PSMC1: variants seen among roughly 807,000 people sequenced by gnomAD.
PSMC1 encodes proteasome 26S subunit, ATPase 1, also known as 26S proteasome regulatory subunit 4.
In PSMC1, 5 loss-of-function variants were observed where a neutral mutation model predicts 49.8. The observed-to-expected ratio is 0.10, with a 90% CI of 0.05 to 0.21. The LOEUF is 0.21. Ranked by LOEUF, PSMC1 falls within the 10% of genes least tolerant of loss-of-function variation. The pLI is 1.00. For missense variants in PSMC1, 181 were observed against 535.7 expected (o/e 0.34, Z 6.54); for synonymous variants, 155 against 192.1 (o/e 0.81, Z 1.60).
Position 90,272,238 on chromosome 14 carries a change from A to G in PSMC1, c.1189-35A>G. 6.3e-7 allele frequency: 1 copy of G among 1,597,526 alleles called. No homozygotes were observed. The highest frequency in any genetic ancestry group is 8.5e-7 in the Non-Finnish European group (1 of 1,176,040). On this transcript the variant is annotated intron_variant, in intron 10 of 10. Coordinates refer to ENST00000261303, the MANE Select transcript of PSMC1 (RefSeq NM_002802.3). This position sits in a 1 kb window ranked among gnomAD's most constrained non-coding sequence, Gnocchi z 4.5. Reference sequence around the variant, plus strand: ...ATTCCTTGTTAGAATAAAAATGAGTATGTCACTTTCTGAACACACTCTTCT... The same window carrying G: ...ATTCCTTGTTAGAATAAAAATGAGTGTGTCACTTTCTGAACACACTCTTCT...
At chr14:90,271,543 G>A (rs767892304) in intron 10 of PSMC1, 15 of 152,152 alleles carry the variant, frequency 9.9e-5, no homozygotes, top group Non-Finnish European at 1.9e-4. Context: ...GCCACTTACA[G>A]TATCTAACCA....
rs755472744 is a variant in PSMC1 at position 90,268,452 on chromosome 14, G to C, written c.881+39G>C. ...TACTTATTTTGCCTTGTTTAGTAGG[G>C]AACACCGCATAGCTCTTCTCTTGAG... is the stretch of plus-strand genomic sequence containing the variant. On this transcript the variant is annotated intron_variant, in intron 8 of 10. Coordinates refer to ENST00000261303, the MANE Select transcript of PSMC1 (RefSeq NM_002802.3). 51 of 1,590,306 alleles carry C rather than the reference G, an allele frequency of 3.2e-5. 1 individual carries two copies. In the South Asian group the frequency reaches 4.7e-4, roughly 15 times the overall value.
At chr14:90,269,665 AG>A (rs1891611366) in intron 9 of PSMC1, 117 bp downstream of exon 9, 1 of 1,188,908 alleles carries the variant, frequency 8.4e-7, no homozygotes, top group African/African-American at 1.5e-5. Flanking sequence ...AGTGAAACTT[AG>A]GATAATTTAC....
chr14:90,259,634 TA>T (rs1891358608), intron 2 of PSMC1, among the ~76,000 whole-genome samples: 2 of 31,796 alleles, frequency 6.3e-5, no homozygotes, highest in African/African-American at 1.4e-4. Context: ...TTTCATTTGT[TA>T]TTATTATTAT....
intron 4 of PSMC1, 27 bp downstream of exon 4, chr14:90,263,469 C>T: frequency 6.5e-7 from 1 of 1,548,350 alleles, no homozygotes; most frequent in Non-Finnish European, 8.7e-7. Context: ...CTATCATTTT[C>T]TTTTTTACAA....
At chr14:90,268,541 A>T in intron 8 of PSMC1, 128 bp downstream of exon 8, 1 of 873,278 alleles carries the variant, frequency 1.1e-6, no homozygotes, top group South Asian at 1.6e-5. Flanking sequence ...CCTTCCATGC[A>T]TGCTTTAGGC....
chr14:90,256,581 C>A lies in PSMC1; in HGVS notation c.-17C>A. The stretch of plus-strand genomic sequence containing the variant: ...GGAGGAACTTCCGGCAGCGGCAGCT[C>A]AAGTGGCCAAGGCAAGATGGTGAGT... On this transcript the variant is annotated 5_prime_UTR_variant, in exon 1 of 11. Coordinates refer to ENST00000261303, the MANE Select transcript of PSMC1 (RefSeq NM_002802.3). 6.3e-7 allele frequency: 1 copy of A among 1,587,088 alleles called. No individual in the cohort carries two copies. Among genetic ancestry groups the A allele is most frequent in the South Asian group, 1.2e-5 (1 of 86,882 alleles).
intron 3 of PSMC1, 75 bp from the exon 4 acceptor site, chr14:90,263,243 T>C: frequency 6.9e-7 from 1 of 1,454,962 alleles, no homozygotes; most frequent in Non-Finnish European, 9.3e-7. Context: ...GAGCGTATTT[T>C]AAAATCTTAA....
rs1595046216 is a variant in PSMC1 at position 90,270,178 on chromosome 14, A to C, written c.1034-20A>C. On this transcript the variant is annotated intron_variant, in intron 9 of 10. Transcript: ENST00000261303. ...TGGGTTTGGATGTTGGTGTGACTTC[A>C]AATCTCTTTGTACCTGCAGGCCGCA... 2 of 1,612,096 alleles carry C rather than the reference A, an allele frequency of 1.2e-6. No homozygotes were observed. Among genetic ancestry groups the C allele is most frequent in the Non-Finnish European group, 1.7e-6 (2 of 1,178,544 alleles).
At position 90,272,215 on chromosome 14, in the gene PSMC1, TCC is replaced by T; in HGVS notation, c.1189-57_1189-56del. On this transcript the variant is annotated intron_variant, in intron 10 of 10. Transcript: ENST00000261303. This position sits in a 1 kb window ranked among gnomAD's most constrained non-coding sequence, Gnocchi z 4.5. ...GGCCTCAGAATAGGTTTTTTGGAATTCCTTGTTAGAATAAAAATGAGTATGTC... is the reference window on the plus strand; with the variant it reads ...GGCCTCAGAATAGGTTTTTTGGAATTTTGTTAGAATAAAAATGAGTATGTC... 6.3e-7 allele frequency: 1 copy of T among 1,586,522 alleles called. No homozygotes were observed. The highest frequency in any genetic ancestry group is 8.5e-7 in the Non-Finnish European group (1 of 1,170,210).
chr14:90,264,204 T>G (rs762899090), intron 6 of PSMC1, 35 bp downstream of exon 6: 2 of 1,608,940 alleles, frequency 1.2e-6, no homozygotes, highest in South Asian at 1.1e-5. Context: ...TGGGTTTCAG[T>G]TTTGGTTTCT....
chr14:90,262,932 A>G (rs1891429348), intron 3 of PSMC1, among the ~76,000 whole-genome samples: 1 of 152,234 alleles, frequency 6.6e-6, no homozygotes, highest in South Asian at 2.1e-4. Context: ...ATAGATGAGT[A>G]TGTATATAGC....
rs1595048713 is a variant in PSMC1 at position 90,273,756 on chromosome 14, G to A, written c.*1349G>A. 6.5e-6 allele frequency: 1 copy of A among 154,718 alleles called. No individual in the cohort carries two copies. Among genetic ancestry groups the A allele is most frequent in the Non-Finnish European group, 1.5e-5 (1 of 68,226 alleles). 9.6% of individuals were successfully genotyped at this position (154,718 alleles called of 1,614,324 possible). A position where few individuals can be genotyped will look rare whatever the true frequency, so the allele number is the denominator to read the frequency against. ...TTCTTGGAGTTGTGGGCCAGCTGAG[G>A]TCAGCATTTCCTTGCTGGCTGCCAG... On this transcript the variant is annotated 3_prime_UTR_variant, in exon 11 of 11. Transcript: ENST00000261303.
chr14:90,263,700 G>C lies in PSMC1; in HGVS notation c.318G>C (p.Pro106=). The C allele has an allele frequency of 6.2e-7, 1 of 1,613,570 alleles. No individual in the cohort carries two copies. Among genetic ancestry groups the C allele is most frequent in the South Asian group, 1.1e-5 (1 of 91,072 alleles). Residue 106 remains proline, a synonymous_variant, in exon 5 of 11, where the codon CCG becomes CCC. Coordinates refer to ENST00000261303, the MANE Select transcript of PSMC1 (RefSeq NM_002802.3). ...AAGTGGATGATCTGAGGGGGACCCCGATGTCAGTAGGAACCTTGGAAGAGA... is the reference window on the plus strand; with the variant it reads ...AAGTGGATGATCTGAGGGGGACCCCCATGTCAGTAGGAACCTTGGAAGAGA... ...RSKVDDLRGT[P]MSVGTLEEII...
chr14:90,258,760 T>C (rs1891342819), intron 1 of PSMC1, among the ~76,000 whole-genome samples: 1 of 152,226 alleles, frequency 6.6e-6, no homozygotes. Context: ...GTAGCTTTCA[T>C]AGCCTGATTT....
Position 90,272,164 on chromosome 14 carries a change from G to C in PSMC1, c.1189-109G>C, listed in dbSNP as rs1891686108. On this transcript the variant is annotated intron_variant, in intron 10 of 10. Transcript: ENST00000261303. The surrounding 1 kb of genome is among the most constrained non-coding windows in gnomAD (Gnocchi z 4.5). Reference sequence around the variant, plus strand: ...CTGCCTCGGCCTCCCAGAGTGCTGGGATTACAGGTGTGAGCCACCGCGCCT... The same window carrying C: ...CTGCCTCGGCCTCCCAGAGTGCTGGCATTACAGGTGTGAGCCACCGCGCCT... 1 of 1,264,072 alleles carries C rather than the reference G, an allele frequency of 7.9e-7. No homozygotes were observed. The highest frequency in any genetic ancestry group is 1.1e-6 in the Non-Finnish European group (1 of 910,026). The allele number at this position is 1,264,072 out of a possible 1,614,324, so 78.3% of individuals were successfully genotyped here.
At chr14:90,268,174 A>G (rs1566674654) in intron 7 of PSMC1, 50 bp from the exon 8 acceptor site, 1 of 1,451,568 alleles carries the variant, frequency 6.9e-7, no homozygotes, top group African/African-American at 1.4e-5. Flanking sequence ...TTTAAGTTAA[A>G]ATGGCACTTA....
chr14:90,267,111 T>C (rs903044048), intron 7 of PSMC1, among the ~76,000 whole-genome samples: 13 of 151,946 alleles, frequency 8.6e-5, no homozygotes, highest in African/African-American at 2.9e-4. Context: ...GGGCACTCTT[T>C]GCTGACTCTT....
intron 3 of PSMC1, among the ~76,000 whole-genome samples, chr14:90,261,522 G>C (rs1223745565): frequency 6.6e-6 from 1 of 152,208 alleles, no homozygotes; most frequent in African/African-American, 2.4e-5. Context: ...CTTCAGGTCT[G>C]TGGGGAATAG....
Sources: allele counts gnomAD v4.1 joint callset (sites outside exome capture counted in the v4.1 genomes callset), GRCh38; gene constraint gnomAD v4.1.1; non-coding constraint Gnocchi (gnomAD v3.1); transcripts MANE v1.5; gene names NCBI Gene and HGNC (gene_info 2026-07-23, HGNC 2026-07-21).